ACAD9: variants seen among roughly 807,000 people sequenced by gnomAD.
ACAD9 encodes the protein complex I assembly factor ACAD9, mitochondrial.
ACAD9 carries 53 observed loss-of-function variants against 70.2 expected under a neutral mutation model. That is an observed-to-expected ratio of 0.75 (90% confidence interval 0.61 to 0.95). ACAD9 has a LOEUF of 0.95. Among genes scored for constraint, ACAD9 ranks in the 40% least tolerant of loss-of-function variants. The probability of loss-of-function intolerance (pLI) is 0.00; values close to 1 mark genes in which losing one functional copy is unlikely to be tolerated. For synonymous variants in ACAD9, 313 were observed against 312.1 expected, an observed-to-expected ratio of 1.00 and a Z score of -0.03; for missense variants, 777 against 802.8, an observed-to-expected ratio of 0.97 and a Z score of 0.39.
In ACAD9 at chr3:128,897,621, T is replaced by C. The variant is rs762752017; in HGVS notation, c.555-11T>C. ...GTATTCTCCCTTGACCACATCTTTC[T>C]GCATCTGCAGTGGGAGCGATGCAGC... On this transcript the variant is annotated splice_polypyrimidine_tract_variant and intron_variant, in intron 5 of 17. Transcript: ENST00000308982. The C allele has an allele frequency of 6.2e-6, 10 of 1,612,282 alleles. No homozygotes were observed. In the South Asian group the frequency reaches 1.1e-4, roughly 18 times the overall value.
chr3:128,879,793 G>T lies in ACAD9; in HGVS notation c.102G>T (p.Pro34=), dbSNP rs750501970. The T allele has an allele frequency of 1.1e-5, 17 of 1,613,942 alleles. 1 individual carries two copies. In the Admixed American group the frequency reaches 2.0e-4, roughly 19 times the overall value. The change falls in exon 1 of 18, where the codon CCG becomes CCT. Residue 34 remains proline (P), a synonymous_variant. Transcript: ENST00000308982. The part of the protein sequence containing the change: ...TANRRLLRTS[P]PVRAFAKELF... ...ACCGGCGGCTACTGCGCACCAGCCCGCCTGTACGAGCTTTCGCCAAAGAGC... is the reference window on the plus strand; with the variant it reads ...ACCGGCGGCTACTGCGCACCAGCCCTCCTGTACGAGCTTTCGCCAAAGAGC...
chr3:128,880,453 C>G (rs1340359659), intron 1 of ACAD9, among the ~76,000 whole-genome samples: 2 of 152,102 alleles, frequency 1.3e-5, no homozygotes, highest in Admixed American at 6.5e-5. Flanking sequence ...CTCTTGTCGC[C>G]CAGGCTGGAG....
chr3:128,895,827 G>A (rs1160654207), intron 4 of ACAD9, among the ~76,000 whole-genome samples: 1 of 152,188 alleles, frequency 6.6e-6, no homozygotes, highest in Non-Finnish European at 1.5e-5. Flanking sequence ...AGGGTCAACC[G>A]CCCTTACTGG....
intron 2 of ACAD9, among the ~76,000 whole-genome samples, chr3:128,886,960 C>G: frequency 6.6e-6 from 1 of 151,360 alleles, no homozygotes; most frequent in East Asian, 2.0e-4. Flanking sequence ...CAGTCTTGCT[C>G]TTGCTTTGTC....
At chr3:128,896,630 CTT>C in intron 5 of ACAD9, 94 bp downstream of exon 5, 3 of 1,221,236 alleles carry the variant, frequency 2.5e-6, no homozygotes, top group Admixed American at 3.8e-5. Flanking sequence ...GAGTAGCTGA[CTT>C]TTCCTTCTTT....
intron 11 of ACAD9, 140 bp from the exon 12 acceptor site, chr3:128,905,981 G>A (rs1349394530): frequency 8.8e-7 from 1 of 1,133,690 alleles, no homozygotes; most frequent in Non-Finnish European, 1.3e-6. Flanking sequence ...GAAGGCAAAG[G>A]ACTTGACCAC....
intron 2 of ACAD9, among the ~76,000 whole-genome samples, chr3:128,890,734 G>A (rs1005019369): frequency 2.0e-5 from 3 of 152,096 alleles, no homozygotes; most frequent in Admixed American, 6.6e-5. Flanking sequence ...TTCAGGTTTA[G>A]AACTATGATT....
At chr3:128,882,154 A>C (rs948076472) in intron 1 of ACAD9, among the ~76,000 whole-genome samples, 10 of 152,154 alleles carry the variant, frequency 6.6e-5, no homozygotes, top group Admixed American at 1.3e-4. Flanking sequence ...AGCTGGGACT[A>C]CAGGCACGCC....
In ACAD9 at chr3:128,899,410, G is replaced by A; in HGVS notation, c.757G>A (p.Gly253Arg). 6.2e-7 allele frequency: 1 copy of A among 1,614,252 alleles called. No individual in the cohort carries two copies. Among genetic ancestry groups the A allele is most frequent in the Non-Finnish European group, 8.5e-7 (1 of 1,180,046 alleles). ...ATTCATAGTAGAAAGAGACTTTGGT[G>A]GAGTCACTAATGGGAAACCCGAAGA... The part of the protein sequence containing the change: ...TAFIVERDFG[G>R]VTNGKPEDKL... The change falls in exon 7 of 18, where the codon GGA becomes AGA. Residue 253 changes from glycine to arginine, a missense_variant. Transcript: ENST00000308982.
Position 128,899,271 on chromosome 3 carries a change from ATC to A in ACAD9, c.634-14_634-13del, listed in dbSNP as rs774238211. On this transcript the variant is annotated splice_polypyrimidine_tract_variant and intron_variant, in intron 6 of 17. Coordinates refer to ENST00000308982, the MANE Select transcript of ACAD9 (RefSeq NM_014049.5). ...AGGGGTTTGGTTTTCTCCAAAGTCC[ATC>A]TTTCTGTCCTCAGGTCTGGATTACT... 11 of 1,613,982 alleles carry A rather than the reference ATC, an allele frequency of 6.8e-6. No individual in the cohort carries two copies. In the Admixed American group the frequency reaches 1.8e-4, roughly 27 times the overall value.
intron 7 of ACAD9, among the ~76,000 whole-genome samples, chr3:128,899,798 G>T (rs1241810431): frequency 6.6e-6 from 1 of 152,156 alleles, no homozygotes; most frequent in African/African-American, 2.4e-5. Flanking sequence ...GCCTTTAGTT[G>T]TCTCAGTCTG....
At chr3:128,901,008 C>A (rs1935721258) in intron 7 of ACAD9, among the ~76,000 whole-genome samples, 1 of 152,184 alleles carries the variant, frequency 6.6e-6, no homozygotes, top group South Asian at 2.1e-4. Context: ...ATTATCCACC[C>A]CCTTGCCAAC....
rs762953417 is a variant in ACAD9, at chr3:128,899,523, G to GGGGT, written c.808+63_808+64insGGTG. Reference sequence around the variant, plus strand: ...TGTAAGGGGGAGACTGGCCTTTGACGGTGTGTGTGTGTGTGTGTGTGTGTG... The same window carrying GGGGT: ...TGTAAGGGGGAGACTGGCCTTTGACGGGGTGTGTGTGTGTGTGTGTGTGTGTGTG... On this transcript the variant is annotated intron_variant, in intron 7 of 17. Transcript: ENST00000308982. 9.1e-4 allele frequency: 973 copies of GGGGT among 1,068,794 alleles called. 1 individual carries two copies. The African/African-American group carries it at 0.012, about 14-fold the overall frequency. 66.2% of individuals were successfully genotyped at this position (1,068,794 alleles called of 1,614,324 possible).
intron 2 of ACAD9, among the ~76,000 whole-genome samples, chr3:128,890,465 G>A (rs1935386496): frequency 6.6e-6 from 1 of 152,022 alleles, no homozygotes; most frequent in East Asian, 2.0e-4. Flanking sequence ...CACTTTGGGC[G>A]GCCGAGATGG....
At position 128,902,526 on chromosome 3, in the gene ACAD9, C is replaced by A. The variant is rs771819353; in HGVS notation, c.883-27C>A. 1.1e-5 allele frequency: 17 copies of A among 1,613,924 alleles called. No homozygotes were observed. Among genetic ancestry groups the A allele is most frequent in the Non-Finnish European group, 1.4e-5 (17 of 1,179,764 alleles). ...TCCTCCCTCTGCCTCCTTCAGGGCC[C>A]CTGGGCTCTCCCTGTTCTCCCTGCA... On this transcript the variant is annotated intron_variant, in intron 8 of 17. Coordinates refer to ENST00000308982, the MANE Select transcript of ACAD9 (RefSeq NM_014049.5). This position sits in a 1 kb window ranked among gnomAD's most constrained non-coding sequence, Gnocchi z 4.0.
At chr3:128,898,655 C>T (rs1935641662) in intron 6 of ACAD9, 1 of 292,184 alleles carries the variant, frequency 3.4e-6, no homozygotes, top group Non-Finnish European at 6.6e-6. Context: ...CCACCTCGGC[C>T]TCCCAAAGTG....
intron 7 of ACAD9, among the ~76,000 whole-genome samples, chr3:128,900,051 C>T (rs563602174): frequency 6.6e-6 from 1 of 152,226 alleles, no homozygotes; most frequent in Non-Finnish European, 1.5e-5. Flanking sequence ...CCTGTCTCAG[C>T]CTCCCAAGTA....
At chr3:128,896,125 G>T (rs1391909223) in intron 4 of ACAD9, among the ~76,000 whole-genome samples, 1 of 152,216 alleles carries the variant, frequency 6.6e-6, no homozygotes, top group African/African-American at 2.4e-5. Context: ...AGATGGAGGA[G>T]GCTTTCTTTG....
In ACAD9 at chr3:128,879,849, G is replaced by A. The variant is rs528508645; in HGVS notation, c.150+8G>A. The A allele has an allele frequency of 1.9e-5, 30 of 1,613,936 alleles. No individual in the cohort carries two copies. In the African/African-American group the frequency reaches 3.3e-4, roughly 18 times the overall value. ...CTAGGCAAAATCAAGAAGGTAACGC[G>A]AGCCCTGGGCGAACCCTTGCTGTCT... On this transcript the variant is annotated splice_region_variant and intron_variant, in intron 1 of 17. Transcript: ENST00000308982.
Sources: gnomAD v4.1 joint callset for allele counts (sites outside exome capture counted in the v4.1 genomes callset) on GRCh38, gnomAD v4.1.1 for gene constraint, Gnocchi (gnomAD v3.1) non-coding constraint, MANE v1.5 for transcripts, NCBI Gene and HGNC (gene_info 2026-07-23, HGNC 2026-07-21) for gene names.